BIRC3: variants seen among roughly 807,000 people sequenced by gnomAD.
The protein encoded by BIRC3 is baculoviral IAP repeat-containing protein 3.
Under a neutral mutation model 59.0 loss-of-function variants are expected in BIRC3, and 26 were observed. The ratio of observed to expected loss-of-function variants is 0.44; its 90% CI spans 0.32 to 0.61. The LOEUF is 0.61. Ranked by LOEUF, BIRC3 falls within the 20% of genes least tolerant of loss-of-function variation. The pLI, the probability that BIRC3 is intolerant of heterozygous loss-of-function variation, is 0.04. For synonymous variants in BIRC3, 243 were observed against 249.2 expected, an observed-to-expected ratio of 0.98 and a Z score of 0.24; for missense variants, 641 against 711.5, an observed-to-expected ratio of 0.90 and a Z score of 1.13.
At chr11:102,329,013 G>A in intron 5 of BIRC3, 68 bp downstream of exon 5, 1 of 907,228 alleles carries the variant, frequency 1.1e-6, no homozygotes, top group Non-Finnish European at 1.6e-6. Flanking sequence ...ATTGAAAGTT[G>A]ATAATAGTAA....
rs775905642 is a variant in BIRC3 at position 102,328,084 on chromosome 11, A to C, written c.986A>C (p.Glu329Ala). ...TACTTGATAAGAATTAAAGGACAGG[A>C]GTTCATCCGTCAAGTTCAAGCCAGT... ...CEYLIRIKGQ[E>A]FIRQVQASYP... Residue 329 changes from glutamate (E) to alanine (A), a missense_variant, in exon 4 of 9, where the codon GAG (glutamate) becomes GCG (alanine). This residue lies in a region of BIRC3 where 268 missense variants were observed against 255.7 expected (regional missense o/e 1.05). Transcript: ENST00000263464. 6.2e-7 allele frequency: 1 copy of C among 1,609,986 alleles called. No homozygotes were observed. Among genetic ancestry groups the C allele is most frequent in the Non-Finnish European group, 8.5e-7 (1 of 1,178,754 alleles).
At position 102,317,608 on chromosome 11, in the gene BIRC3, T is replaced by C. The variant is rs7111138; in HGVS notation, c.-2674+37T>C. 1,467 of 152,812 alleles carry C rather than the reference T, an allele frequency of 9.6e-3. 19 individuals carry two copies. Among genetic ancestry groups the C allele is most frequent in the African/African-American group, 0.033 (1,359 of 40,848 alleles). 9.5% of individuals were successfully genotyped at this position (152,812 alleles called of 1,614,324 possible). A position where few individuals can be genotyped will look rare whatever the true frequency, so the allele number is the denominator to read the frequency against. Reference sequence around the variant, plus strand: ...AGGCTGGTGTGTGTGTGTGTGTGTGTGCGTGTGTGTGTGTGTATGTGTGCG... The same window carrying C: ...AGGCTGGTGTGTGTGTGTGTGTGTGCGCGTGTGTGTGTGTGTATGTGTGCG... On this transcript the variant is annotated intron_variant, in intron 1 of 8. Coordinates refer to ENST00000263464, the MANE Select transcript of BIRC3 (RefSeq NM_001165.5).
At chr11:102,317,964 G>A (rs1591517071) in intron 1 of BIRC3, among the ~76,000 whole-genome samples, 2 of 152,264 alleles carry the variant, frequency 1.3e-5, no homozygotes, top group African/African-American at 2.4e-5. Context: ...ATGAGCAAAT[G>A]GACGCATGTT....
At chr11:102,327,083 G>T (rs1401877690) in intron 3 of BIRC3, among the ~76,000 whole-genome samples, 1 of 152,162 alleles carries the variant, frequency 6.6e-6, no homozygotes. Context: ...TTGTCCACTT[G>T]AGCCTTGGTA....
intron 6 of BIRC3, among the ~76,000 whole-genome samples, chr11:102,332,280 G>C (rs377087042): frequency 1.3e-5 from 2 of 152,192 alleles, no homozygotes; most frequent in Non-Finnish European, 2.9e-5. Flanking sequence ...GCATGGACCA[G>C]ACCTATAAGT....
At position 102,317,541 on chromosome 11, in the gene BIRC3, G is replaced by T; in HGVS notation, c.-2704G>T. 1 of 153,224 alleles carries T rather than the reference G, an allele frequency of 6.5e-6. No homozygotes were observed. Among genetic ancestry groups the T allele is most frequent in the Non-Finnish European group, 1.5e-5 (1 of 68,732 alleles). 9.5% of individuals were successfully genotyped at this position (153,224 alleles called of 1,614,324 possible). A position where few individuals can be genotyped will look rare whatever the true frequency, so the allele number is the denominator to read the frequency against. On this transcript the variant is annotated 5_prime_UTR_variant, in exon 1 of 9. Coordinates refer to ENST00000263464, the MANE Select transcript of BIRC3 (RefSeq NM_001165.5). ...TGAAAAGACTGGGCTTGTCCTTGCTGGTGCATGCGTCGTCGGCCTCTGGGC... is the reference window on the plus strand; with the variant it reads ...TGAAAAGACTGGGCTTGTCCTTGCTTGTGCATGCGTCGTCGGCCTCTGGGC...
intron 5 of BIRC3, among the ~76,000 whole-genome samples, chr11:102,329,351 G>A (rs1951115618): frequency 6.6e-6 from 1 of 152,152 alleles, no homozygotes; most frequent in Admixed American, 6.5e-5. Flanking sequence ...TTTTTAAATA[G>A]GGACGCTGAG....
At chr11:102,327,463 A>G (rs1451474728) in intron 3 of BIRC3, among the ~76,000 whole-genome samples, 1 of 152,020 alleles carries the variant, frequency 6.6e-6, no homozygotes, top group Non-Finnish European at 1.5e-5. Flanking sequence ...AACATGGTAA[A>G]GCCCCATCTC....
rs1267201928 is a variant in BIRC3, at chr11:102,322,008, A to G, written c.-2502A>G. 1.0e-5 allele frequency: 2 copies of G among 193,692 alleles called. No homozygotes were observed. The highest frequency in any genetic ancestry group is 2.2e-5 in the Non-Finnish European group (2 of 92,832). 12.0% of individuals were successfully genotyped at this position (193,692 alleles called of 1,614,324 possible). A position where few individuals can be genotyped will look rare whatever the true frequency, so the allele number is the denominator to read the frequency against. On this transcript the variant is annotated 5_prime_UTR_variant, in exon 2 of 9. Transcript: ENST00000263464. ...GTATTAACTGGTGTTTTACTATCCA[A>G]AGAATGCTAATTTTATAAACATGAT...
At chr11:102,332,603 G>A (rs899710124) in intron 6 of BIRC3, among the ~76,000 whole-genome samples, 6 of 152,156 alleles carry the variant, frequency 3.9e-5, no homozygotes, top group African/African-American at 1.4e-4. Flanking sequence ...CTTGTGCAAG[G>A]CCATCTGGGA....
intron 5 of BIRC3, among the ~76,000 whole-genome samples, chr11:102,330,294 G>A (rs528277371): frequency 1.8e-4 from 28 of 152,296 alleles, no homozygotes; most frequent in Non-Finnish European, 1.8e-4. Flanking sequence ...AGAAGTAGGA[G>A]TTGCTAATAG....
chr11:102,324,368 C>T lies in BIRC3; in HGVS notation c.-142C>T. On this transcript the variant is annotated 5_prime_UTR_variant, in exon 2 of 9. Transcript: ENST00000263464. ...GATTTAGAATCTCCATGTTGAAACT[C>T]TAAATGCATAGAAATAAAAATAATA... 1.1e-6 allele frequency: 1 copy of T among 911,786 alleles called. No homozygotes were observed. The highest frequency in any genetic ancestry group is 1.6e-6 in the Non-Finnish European group (1 of 635,198). 56.5% of individuals were successfully genotyped at this position (911,786 alleles called of 1,614,324 possible).
chr11:102,317,743 G>C (rs1187582205), intron 1 of BIRC3, among the ~76,000 whole-genome samples, 172 bp downstream of exon 1: 2 of 152,338 alleles, frequency 1.3e-5, no homozygotes, highest in East Asian at 1.9e-4. Flanking sequence ...GTGGGGCGCA[G>C]TTATCAAACA....
intron 3 of BIRC3, chr11:102,326,680 G>A (rs1288891507): frequency 4.4e-6 from 2 of 453,766 alleles, no homozygotes; most frequent in Non-Finnish European, 8.8e-6. Flanking sequence ...ATTAATAAAT[G>A]TGGCATCTTA....
chr11:102,333,259 T>C (rs17883086), intron 6 of BIRC3, among the ~76,000 whole-genome samples: 3,585 of 152,106 alleles, frequency 0.024, 141 homozygotes, highest in African/African-American at 0.079. Flanking sequence ...ATTTTTTTTT[T>C]CCCAGAATAA....
Position 102,337,421 on chromosome 11 carries a change from A to G in BIRC3, c.*319A>G, listed in dbSNP as rs1166034007. The G allele has an allele frequency of 5.0e-6, 2 of 403,552 alleles. No homozygotes were observed. Among genetic ancestry groups the G allele is most frequent in the Non-Finnish European group, 8.7e-6 (2 of 230,072 alleles). 25.0% of individuals were successfully genotyped at this position (403,552 alleles called of 1,614,324 possible). On this transcript the variant is annotated 3_prime_UTR_variant, in exon 9 of 9. Coordinates refer to ENST00000263464, the MANE Select transcript of BIRC3 (RefSeq NM_001165.5). ...ATTTGAGTTAACCTTTAAGAATTTTAAATATTTTGGCATTGTACTAATACC... is the reference window on the plus strand; with the variant it reads ...ATTTGAGTTAACCTTTAAGAATTTTGAATATTTTGGCATTGTACTAATACC...
chr11:102,328,856 A>G (rs1951109685), intron 4 of BIRC3, 41 bp from the exon 5 acceptor site: 5 of 687,650 alleles, frequency 7.3e-6, no homozygotes, highest in Non-Finnish European at 9.3e-6. Context: ...TTCTATTTTA[A>G]TTTATATATA....
chr11:102,336,600 A>G (rs1372561813), intron 7 of BIRC3, 160 bp from the exon 8 acceptor site: 6 of 720,786 alleles, frequency 8.3e-6, no homozygotes, highest in South Asian at 1.9e-5. Context: ...AAAAAAATCA[A>G]TCTAATTTAT....
Position 102,325,884 on chromosome 11 carries a change from G to C in BIRC3, c.953+319G>C, listed in dbSNP as rs532316519. Among the ~76,000 whole-genome samples, 6 of 151,888 alleles carry C rather than the reference G, an allele frequency of 4.0e-5. 1 individual carries two copies. The highest frequency in any genetic ancestry group is 3.3e-4 in the Admixed American group (5 of 15,234). On this transcript the variant is annotated intron_variant, in intron 3 of 8. Transcript: ENST00000263464. ...AATTAAAATGTCCAGAAATCTTACC[G>C]CCTAAGGATGAGCATGGTTACCACT...
Sources: gnomAD v4.1 joint callset for allele counts (sites outside exome capture counted in the v4.1 genomes callset) on GRCh38, gnomAD v4.1.1 for gene constraint, gnomAD v4.1.1 regional missense constraint, MANE v1.5 for transcripts, NCBI Gene and HGNC (gene_info 2026-07-23, HGNC 2026-07-21) for gene names.